The following FBXO9 variants were observed in gnomAD, a reference collection of about 807,000 sequenced individuals.
FBXO9 encodes the protein F-box protein 9.
Under a neutral mutation model 63.7 loss-of-function variants are expected in FBXO9, and 43 were observed. The observed-to-expected ratio is 0.67, with a 90% CI of 0.53 to 0.87. FBXO9 has a LOEUF of 0.87. Among genes scored for constraint, FBXO9 ranks in the 40% least tolerant of loss-of-function variants. The pLI, the probability that FBXO9 is intolerant of heterozygous loss-of-function variation, is 0.00. For synonymous variants in FBXO9, 156 were observed against 171.7 expected (o/e 0.91, Z 0.72); for missense variants, 442 against 533.2 (o/e 0.83, Z 1.68).
intron 9 of FBXO9, 39 bp from the exon 10 acceptor site, chr6:53,093,427 T>G (rs756346007): frequency 3.6e-6 from 5 of 1,380,296 alleles, no homozygotes; most frequent in African/African-American, 2.9e-5. Flanking sequence ...ATACTTTGTG[T>G]GGGGGGTGTG....
At chr6:53,069,241 A>G (rs1768822141) in intron 1 of FBXO9, among the ~76,000 whole-genome samples, 1 of 152,242 alleles carries the variant, frequency 6.6e-6, no homozygotes, top group Admixed American at 6.5e-5. Context: ...TGTTTATTCT[A>G]CAGTATCAAA....
chr6:53,075,825 G>A (rs1304566892), intron 3 of FBXO9, among the ~76,000 whole-genome samples: 2 of 122,376 alleles, frequency 1.6e-5, no homozygotes, highest in African/African-American at 6.2e-5. Context: ...CTCACAGCAA[G>A]CTCTGCCTCC....
upstream of FBXO9, chr6:53,065,331 C>T (rs971259782): frequency 6.3e-6 from 1 of 158,468 alleles, no homozygotes; most frequent in Admixed American, 6.5e-5. Flanking sequence ...GGTCCGCGAC[C>T]CTTAGCCCTC....
chr6:53,082,937 A>G (rs1251589006), intron 7 of FBXO9, among the ~76,000 whole-genome samples: 1 of 152,226 alleles, frequency 6.6e-6, no homozygotes, highest in Non-Finnish European at 1.5e-5. Context: ...TTTTTACACT[A>G]ACTGTAAACT....
In FBXO9 at chr6:53,097,924, G is replaced by GTGTA. The variant is rs1763258826; in HGVS notation, c.*96_*99dup. On this transcript the variant is annotated 3_prime_UTR_variant, in exon 13 of 13. Transcript: ENST00000323557. ...TATAAATGTGTGTGTGTGCGTGTGTGTGTATATATATATATATATATATAT... is the reference window on the plus strand; with the variant it reads ...TATAAATGTGTGTGTGTGCGTGTGTGTGTATGTATATATATATATATATATATAT... 1.1e-5 allele frequency: 1 copy of GTGTA among 91,606 alleles called. No individual in the cohort carries two copies. Among genetic ancestry groups the GTGTA allele is most frequent in the Non-Finnish European group, 1.9e-5 (1 of 52,594 alleles). 5.7% of individuals were successfully genotyped at this position (91,606 alleles called of 1,614,324 possible).
chr6:53,089,050 C>T (rs973035321), intron 7 of FBXO9, among the ~76,000 whole-genome samples: 9 of 150,902 alleles, frequency 6.0e-5, no homozygotes. Flanking sequence ...CCTCTGTAGC[C>T]CTAGTGGGGT....
At chr6:53,078,194 C>T (rs1769184751) in intron 4 of FBXO9, among the ~76,000 whole-genome samples, 1 of 152,178 alleles carries the variant, frequency 6.6e-6, no homozygotes, top group South Asian at 2.1e-4. Flanking sequence ...TAGCTGACAC[C>T]TCTAATCTCA....
At chr6:53,088,661 C>T (rs549273821) in intron 7 of FBXO9, among the ~76,000 whole-genome samples, 1 of 151,278 alleles carries the variant, frequency 6.6e-6, no homozygotes, top group African/African-American at 2.4e-5. Flanking sequence ...TACAGTGGCA[C>T]GATCTTGGCT....
rs772389259 is a variant in FBXO9 at position 53,093,462 on chromosome 6, A to G, written c.864-4A>G. 16 of 1,605,628 alleles carry G rather than the reference A, an allele frequency of 1.0e-5. No individual in the cohort carries two copies. The highest frequency in any genetic ancestry group is 9.9e-5 in the South Asian group (9 of 90,836). On this transcript the variant is annotated splice_polypyrimidine_tract_variant and splice_region_variant and intron_variant, in intron 9 of 12. Coordinates refer to ENST00000323557, the MANE Select transcript of FBXO9 (RefSeq NM_033480.3). ...GTTTTGGTCTTCCTTTTCTTATTACATAGGTACATAAGATTCTTTCCTGAT... is the reference window on the plus strand; with the variant it reads ...GTTTTGGTCTTCCTTTTCTTATTACGTAGGTACATAAGATTCTTTCCTGAT...
At chr6:53,086,636 C>T (rs1016745370) in intron 7 of FBXO9, among the ~76,000 whole-genome samples, 28 of 152,138 alleles carry the variant, frequency 1.8e-4, no homozygotes, top group African/African-American at 6.8e-4. Flanking sequence ...AAACTAGTAA[C>T]TTGAGCAGGA....
intron 12 of FBXO9, 63 bp from the exon 13 acceptor site, chr6:53,097,659 C>A: frequency 1.0e-6 from 1 of 969,050 alleles, no homozygotes. Context: ...TCCCCAAACA[C>A]ACAAGGATTT....
At chr6:53,073,864 A>G (rs977613751) in intron 3 of FBXO9, 5 of 341,722 alleles carry the variant, frequency 1.5e-5, no homozygotes, top group African/African-American at 1.0e-4. Flanking sequence ...CTCTGTGGGT[A>G]CACTGTCTTC....
intron 1 of FBXO9, among the ~76,000 whole-genome samples, chr6:53,070,673 A>T (rs1049430807): frequency 6.6e-6 from 1 of 152,244 alleles, no homozygotes; most frequent in African/African-American, 2.4e-5. Flanking sequence ...CAAATATGCC[A>T]TATGAGGGAC....
chr6:53,074,122 T>C (rs1021923189), intron 3 of FBXO9, among the ~76,000 whole-genome samples: 1 of 152,230 alleles, frequency 6.6e-6, no homozygotes, highest in African/African-American at 2.4e-5. Flanking sequence ...CTGGAAAATT[T>C]TGAAATATTT....
Position 53,099,531 on chromosome 6 carries a change from A to G in FBXO9, c.*1701A>G, listed in dbSNP as rs567260050. On this transcript the variant is annotated 3_prime_UTR_variant, in exon 13 of 13. Transcript: ENST00000323557. Reference sequence around the variant, plus strand: ...CAAGGCAGGAGGATTGCTTGAGGTCAGGAGTTTTAGACCAGCCTGGACAAC... The same window carrying G: ...CAAGGCAGGAGGATTGCTTGAGGTCGGGAGTTTTAGACCAGCCTGGACAAC... 1 of 152,410 alleles carries G rather than the reference A, an allele frequency of 6.6e-6. No individual in the cohort carries two copies. Among genetic ancestry groups the G allele is most frequent in the South Asian group, 2.1e-4 (1 of 4,824 alleles). The allele number at this position is 152,410 out of a possible 1,614,324, so 9.4% of individuals were successfully genotyped here.
intron 4 of FBXO9, among the ~76,000 whole-genome samples, chr6:53,077,759 A>G (rs1769170220): frequency 6.6e-6 from 1 of 152,174 alleles, no homozygotes; most frequent in South Asian, 2.1e-4. Flanking sequence ...ATTTTTAGAA[A>G]GGCCCAGTTG....
rs1320814386 is a variant in FBXO9 at position 53,098,171 on chromosome 6, A to C, written c.*341A>C. On this transcript the variant is annotated 3_prime_UTR_variant, in exon 13 of 13. Transcript: ENST00000323557. ...CCCTTTTTCAAGCAGATTTATGAGC[A>C]GATTTCTGTCACATAAGTCGTCTTC... is the stretch of plus-strand genomic sequence containing the variant. 5.2e-6 allele frequency: 2 copies of C among 387,522 alleles called. No individual in the cohort carries two copies. The highest frequency in any genetic ancestry group is 5.3e-5 in the Admixed American group (2 of 37,712). The allele number at this position is 387,522 out of a possible 1,614,324, so 24.0% of individuals were successfully genotyped here. A position where few individuals can be genotyped will look rare whatever the true frequency, so the allele number is the denominator to read the frequency against.
At chr6:53,089,112 C>T (rs1258568168) in intron 7 of FBXO9, among the ~76,000 whole-genome samples, 9 of 151,402 alleles carry the variant, frequency 5.9e-5, no homozygotes, top group East Asian at 1.9e-4. Context: ...GTCGCTCTGC[C>T]GCCCAGGCTG....
intron 1 of FBXO9, 21 bp from the exon 2 acceptor site, chr6:53,071,036 A>C (rs1020240754): frequency 5.1e-6 from 8 of 1,561,172 alleles, no homozygotes; most frequent in Non-Finnish European, 6.9e-6. Flanking sequence ...GCCTGACATT[A>C]TTTGGGTTTT....
Sources: allele counts gnomAD v4.1 joint callset (sites outside exome capture counted in the v4.1 genomes callset), GRCh38; gene constraint gnomAD v4.1.1; transcripts MANE v1.5; gene names NCBI Gene and HGNC (gene_info 2026-07-23, HGNC 2026-07-21).